THSD4: variants seen among roughly 807,000 people sequenced by gnomAD.
THSD4 encodes thrombospondin type-1 domain-containing protein 4.
In THSD4, 69 loss-of-function variants were observed where a neutral mutation model predicts 119.0. The ratio of observed to expected loss-of-function variants is 0.58; its 90% CI spans 0.48 to 0.71. The LOEUF (loss-of-function observed/expected upper bound fraction) is 0.71. THSD4 is among the 30% of genes least tolerant of loss of function. The pLI, the probability that THSD4 is intolerant of heterozygous loss-of-function variation, is 0.00. For missense variants in THSD4, 1,393 were observed against 1,391.1 expected (o/e 1.00, Z -0.02); for synonymous variants, 524 against 540.4 (o/e 0.97, Z 0.42).
intron 6 of THSD4, among the ~76,000 whole-genome samples, chr15:71,332,716 ACC>A (rs1440505902): frequency 1.3e-5 from 2 of 151,984 alleles, no homozygotes; most frequent in Admixed American, 1.3e-4. Context: ...CTTTTGCCAT[ACC>A]TAGAATTATG....
At chr15:71,385,554 C>T (rs2046284673) in intron 6 of THSD4, among the ~76,000 whole-genome samples, 1 of 138,860 alleles carries the variant, frequency 7.2e-6, no homozygotes, top group African/African-American at 2.7e-5. Flanking sequence ...CTTATAGAAA[C>T]AGCTGGCTCA....
intron 10 of THSD4, chr15:71,732,263 T>A (rs1198078616): frequency 6.6e-6 from 1 of 152,230 alleles, no homozygotes; most frequent in Non-Finnish European, 1.5e-5. Flanking sequence ...TATATGCCTT[T>A]TCTCTTGGTT....
chr15:71,438,427 C>T (rs1160502026), intron 7 of THSD4, among the ~76,000 whole-genome samples: 1 of 152,118 alleles, frequency 6.6e-6, no homozygotes, highest in Non-Finnish European at 1.5e-5. Context: ...GAAAGACCTA[C>T]AGTTTGAAGT....
intron 1 of THSD4, among the ~76,000 whole-genome samples, chr15:71,123,821 G>T (rs658457): frequency 0.08 from 12,145 of 152,220 alleles, 1,233 homozygotes; most frequent in African/African-American, 0.24. Context: ...AAGACCTCGC[G>T]GTATTCAGAT....
chr15:71,610,343 A>G (rs2050199684), intron 7 of THSD4, among the ~76,000 whole-genome samples: 1 of 152,164 alleles, frequency 6.6e-6, no homozygotes, highest in South Asian at 2.1e-4. Flanking sequence ...TGTTCCTTCC[A>G]GTGCAAGAGG....
At chr15:71,344,038 C>CTTT (rs34729777) in intron 6 of THSD4, among the ~76,000 whole-genome samples, 24 of 120,522 alleles carry the variant, frequency 2.0e-4, no homozygotes, top group African/African-American at 6.5e-4. Flanking sequence ...AGCCAGGATT[C>CTTT]TTTTTTTTTT....
At chr15:71,345,999 T>C (rs1596354373) in intron 6 of THSD4, among the ~76,000 whole-genome samples, 1 of 152,154 alleles carries the variant, frequency 6.6e-6, no homozygotes, top group Non-Finnish European at 1.5e-5. Flanking sequence ...GACATTCATA[T>C]TGATATATTG....
In THSD4 at chr15:71,397,574, C is replaced by T. The variant is rs201275798; in HGVS notation, c.1016-14113C>T. Among the ~76,000 whole-genome samples the T allele has an allele frequency of 2.3e-3, 344 of 152,322 alleles. 2 individuals carry two copies. Among genetic ancestry groups the T allele is most frequent in the African/African-American group, 8.0e-3 (333 of 41,564 alleles). The stretch of plus-strand genomic sequence containing the variant: ...AATAAACATCTGGTGAATGAACAAG[C>T]ATTGCTTCATACATGGCACCATGCC... On this transcript the variant is annotated intron_variant, in intron 6 of 17. Transcript: ENST00000261862.
At chr15:71,149,490 C>G (rs1354872481) in intron 2 of THSD4, among the ~76,000 whole-genome samples, 1 of 152,052 alleles carries the variant, frequency 6.6e-6, no homozygotes, top group Non-Finnish European at 1.5e-5. Context: ...CTCAAGTGAT[C>G]CGCCTGCCTC....
intron 8 of THSD4, among the ~76,000 whole-genome samples, chr15:71,698,367 T>A (rs867353710): frequency 5.3e-5 from 8 of 152,078 alleles, no homozygotes; most frequent in Middle Eastern, 3.4e-3. Context: ...AGGGCCCCCT[T>A]ACACACTGGT....
intron 8 of THSD4, among the ~76,000 whole-genome samples, chr15:71,727,779 A>AAAT (rs398027862): frequency 7.8e-6 from 1 of 129,008 alleles, no homozygotes. Context: ...CAAAAAAAAA[A>AAAT]GGGGAGGGCT....
intron 7 of THSD4, among the ~76,000 whole-genome samples, chr15:71,639,735 C>A (rs2050817169): frequency 6.6e-6 from 1 of 151,938 alleles, no homozygotes; most frequent in Non-Finnish European, 1.5e-5. Context: ...TATGGTTTTG[C>A]ATAGTCCTGA....
At chr15:71,151,961 C>T (rs758652677) in intron 2 of THSD4, among the ~76,000 whole-genome samples, 5 of 152,102 alleles carry the variant, frequency 3.3e-5, no homozygotes, top group African/African-American at 1.2e-4. Context: ...TGGACAGTAC[C>T]GACAGAGAAT....
intron 2 of THSD4, among the ~76,000 whole-genome samples, chr15:71,148,813 C>T (rs538529449): frequency 1.3e-5 from 2 of 152,186 alleles, no homozygotes; most frequent in Non-Finnish European, 1.5e-5. Context: ...GGTCTGACCG[C>T]CTGTGTTAGA....
At chr15:71,174,441 C>T (rs1340266437) in intron 3 of THSD4, among the ~76,000 whole-genome samples, 3 of 144,914 alleles carry the variant, frequency 2.1e-5, no homozygotes, top group Non-Finnish European at 3.0e-5. Context: ...GCTTAAGAAA[C>T]GGCGCACCAC....
intron 8 of THSD4, among the ~76,000 whole-genome samples, chr15:71,674,691 G>A (rs1357008313): frequency 6.6e-6 from 1 of 152,096 alleles, no homozygotes; most frequent in African/African-American, 2.4e-5. Context: ...TGTCAACTAG[G>A]GACTATTCTG....
upstream of THSD4, chr15:71,112,324 TTAA>T (rs1221158244): frequency 3.3e-6 from 4 of 1,198,806 alleles, no homozygotes; most frequent in Non-Finnish European, 4.5e-6. Flanking sequence ...GGGGGTACTA[TTAA>T]TAATTAATTA....
chr15:71,526,592 T>C (rs1396091382), intron 7 of THSD4, among the ~76,000 whole-genome samples: 4 of 152,232 alleles, frequency 2.6e-5, no homozygotes, highest in African/African-American at 9.6e-5. Flanking sequence ...AAACACGATG[T>C]TGACTCTCTC....
intron 6 of THSD4, among the ~76,000 whole-genome samples, chr15:71,402,972 T>G (rs2046557365): frequency 6.6e-6 from 1 of 152,244 alleles, no homozygotes; most frequent in African/African-American, 2.4e-5. Context: ...GTACATCATC[T>G]TTCAGTAGCT....
Sources: allele counts gnomAD v4.1 joint callset (sites outside exome capture counted in the v4.1 genomes callset), GRCh38; gene constraint gnomAD v4.1.1; transcripts MANE v1.5; gene names NCBI Gene and HGNC (gene_info 2026-07-23, HGNC 2026-07-21).